The following SPEF2 variants were observed in gnomAD, a reference collection of about 807,000 sequenced individuals.
SPEF2 encodes sperm flagella and cilia-associated protein 2.
A neutral mutation model predicts 224.6 loss-of-function variants in SPEF2; 187 were observed. The observed-to-expected ratio is 0.83, with a 90% confidence interval of 0.74 to 0.94. SPEF2 has a LOEUF of 0.94. Among genes scored for constraint, SPEF2 ranks in the 40% least tolerant of loss-of-function variants. The pLI is 0.00. For missense variants in SPEF2, 2,170 were observed against 2,135.6 expected, an observed-to-expected ratio of 1.02 and a Z score of -0.32; for synonymous variants, 715 against 707.3, an observed-to-expected ratio of 1.01 and a Z score of -0.17.
In SPEF2 at chr5:35,641,574, T is replaced by C; in HGVS notation, c.305T>C (p.Ile102Thr). 1.9e-6 allele frequency: 3 copies of C among 1,613,774 alleles called. No homozygotes were observed. ...VATKLLYQLY[I>T]ALQKKKKSGL... ...ACAAAGCTGTTATATCAATTGTACA[T>C]TGCTCTTCAGAAAAAGAAGAAAAGT... Residue 102 changes from isoleucine (I) to threonine (T), a missense_variant, in exon 3 of 37, where the codon ATT (isoleucine) becomes ACT (threonine). By Grantham distance (89) the Ile-to-Thr change is moderately conservative (BLOSUM62 -1). Coordinates refer to ENST00000356031, the MANE Select transcript of SPEF2 (RefSeq NM_024867.4).
Position 35,809,696 on chromosome 5 carries a change from T to A in SPEF2, c.5379+2443T>A, listed in dbSNP as rs953721300. Among the ~76,000 whole-genome samples, 3 of 152,144 alleles carry A rather than the reference T, an allele frequency of 2.0e-5. No homozygotes were observed. The South Asian group carries it at 6.2e-4, about 32-fold the overall frequency. ...CACAAAGGGAAATGTGGATTCCATT[T>A]GAAAAGCAAGAGAGAATGAACAGGC... On this transcript the variant is annotated intron_variant, in intron 36 of 36. Transcript: ENST00000356031.
chr5:35,652,666 A>C (rs1277683345), intron 6 of SPEF2, among the ~76,000 whole-genome samples: 1 of 152,220 alleles, frequency 6.6e-6, no homozygotes, highest in Non-Finnish European at 1.5e-5. Context: ...GCACAGGTGC[A>C]GGCAGAAGAA....
intron 23 of SPEF2, among the ~76,000 whole-genome samples, chr5:35,751,096 C>CACATATAT (rs1554048857): frequency 6.5e-5 from 2 of 30,626 alleles, no homozygotes; most frequent in Non-Finnish European, 1.3e-4. Context: ...CACACACACA[C>CACATATAT]ATATATATAT....
At chr5:35,729,471 G>A (rs1000461730) in intron 21 of SPEF2, among the ~76,000 whole-genome samples, 19 of 152,176 alleles carry the variant, frequency 1.2e-4, no homozygotes, top group African/African-American at 4.3e-4. Flanking sequence ...AAGTACTTAC[G>A]TACATTAGCC....
At chr5:35,752,444 A>G (rs979412163) in intron 23 of SPEF2, among the ~76,000 whole-genome samples, 3 of 151,946 alleles carry the variant, frequency 2.0e-5, no homozygotes, top group African/African-American at 7.3e-5. Context: ...ATGTGCCACC[A>G]TGAATGGCTA....
intron 2 of SPEF2, among the ~76,000 whole-genome samples, chr5:35,629,386 T>C (rs1157409203): frequency 1.3e-5 from 2 of 151,890 alleles, no homozygotes; most frequent in East Asian, 3.9e-4. Context: ...CTCGATCTCC[T>C]GACCTCGTGA....
intron 33 of SPEF2, 85 bp downstream of exon 33, chr5:35,795,880 T>C: frequency 2.6e-6 from 3 of 1,168,046 alleles, no homozygotes; most frequent in African/African-American, 1.5e-5. Context: ...AACTTGGCTG[T>C]GGACTGCACC....
intron 9 of SPEF2, among the ~76,000 whole-genome samples, chr5:35,669,506 T>G (rs907092037): frequency 6.6e-6 from 1 of 152,108 alleles, no homozygotes; most frequent in Non-Finnish European, 1.5e-5. Flanking sequence ...ACGCAATTAT[T>G]TTTTCCCCTT....
At chr5:35,780,585 T>C (rs1367973358) in intron 30 of SPEF2, among the ~76,000 whole-genome samples, 1 of 152,204 alleles carries the variant, frequency 6.6e-6, no homozygotes, top group Non-Finnish European at 1.5e-5. Flanking sequence ...CTTCAGTCCT[T>C]TAGTCAGACA....
At chr5:35,800,538 A>G (rs540067946) in intron 34 of SPEF2, among the ~76,000 whole-genome samples, 19 of 152,326 alleles carry the variant, frequency 1.2e-4, no homozygotes, top group African/African-American at 4.6e-4. Flanking sequence ...CACCACATAT[A>G]TGGGGCTTGG....
chr5:35,760,940 C>A (rs1234966311), intron 25 of SPEF2, among the ~76,000 whole-genome samples: 1 of 151,346 alleles, frequency 6.6e-6, no homozygotes, highest in Non-Finnish European at 1.5e-5. Context: ...TAAAACAATC[C>A]TTTTTAATAA....
intron 28 of SPEF2, 25 bp from the exon 29 acceptor site, chr5:35,776,232 C>A (rs2149792947): frequency 1.3e-6 from 2 of 1,594,590 alleles, no homozygotes; most frequent in South Asian, 2.3e-5. Flanking sequence ...TATGTTAAAA[C>A]ATTCTTATTT....
rs575844544 is a variant in SPEF2 at position 35,741,114 on chromosome 5, T to C, written c.3330+847T>C. On this transcript the variant is annotated intron_variant, in intron 23 of 36. Coordinates refer to ENST00000356031, the MANE Select transcript of SPEF2 (RefSeq NM_024867.4). ...GATTCAGCAGTGAACAAAATAAATC[T>C]GTGACCACAGAGTGTTTGTATCCTT... Among the ~76,000 whole-genome samples, 7 of 152,344 alleles carry C rather than the reference T, an allele frequency of 4.6e-5. No individual in the cohort carries two copies. In the South Asian group the frequency reaches 1.5e-3, roughly 32 times the overall value.
At chr5:35,674,541 A>G (rs1308187358) in intron 10 of SPEF2, among the ~76,000 whole-genome samples, 1 of 101,732 alleles carries the variant, frequency 9.8e-6, no homozygotes, top group African/African-American at 3.9e-5. Context: ...CCCGACCCCA[A>G]AACAGGCCCT....
chr5:35,620,049 A>G (rs934659135), intron 1 of SPEF2, among the ~76,000 whole-genome samples: 1 of 152,170 alleles, frequency 6.6e-6, no homozygotes, highest in Non-Finnish European at 1.5e-5. Context: ...TTTAATCTCA[A>G]CTACTATAAG....
chr5:35,665,683 GCT>G (rs545414619), intron 8 of SPEF2, among the ~76,000 whole-genome samples: 33 of 151,460 alleles, frequency 2.2e-4, no homozygotes, highest in African/African-American at 8.0e-4. Flanking sequence ...GGATATTTCT[GCT>G]CTCTTAGATT....
At chr5:35,676,298 T>C (rs1308704005) in intron 10 of SPEF2, among the ~76,000 whole-genome samples, 2 of 152,142 alleles carry the variant, frequency 1.3e-5, no homozygotes, top group African/African-American at 4.8e-5. Flanking sequence ...GGCTTTCTAC[T>C]ACTGAGTTTT....
At chr5:35,709,768 A>G (rs1332161646) in intron 19 of SPEF2, 2 of 985,282 alleles carry the variant, frequency 2.0e-6, no homozygotes, top group Admixed American at 6.1e-5. Flanking sequence ...TATAATGACA[A>G]AAGTGAAGTG....
chr5:35,687,165 T>C (rs1169920011), intron 10 of SPEF2, among the ~76,000 whole-genome samples: 1 of 152,166 alleles, frequency 6.6e-6, no homozygotes, highest in African/African-American at 2.4e-5. Context: ...TAAGGATATC[T>C]AACATTATTT....
Sources: allele counts gnomAD v4.1 joint callset (sites outside exome capture counted in the v4.1 genomes callset), GRCh38; gene constraint gnomAD v4.1.1; transcripts MANE v1.5; gene names NCBI Gene and HGNC (gene_info 2026-07-23, HGNC 2026-07-21).